Variants in KCTD21 observed in about 807,000 individuals in gnomAD.
KCTD21 encodes BTB/POZ domain-containing protein KCTD21.
A neutral mutation model predicts 13.2 loss-of-function variants in KCTD21; 9 were observed. The ratio of observed to expected loss-of-function variants is 0.68; its 90% confidence interval spans 0.41 to 1.19. The LOEUF is 1.19. Ranked by LOEUF, KCTD21 falls within the 50% of genes most tolerant of loss-of-function variation. The pLI, the probability that KCTD21 is intolerant of heterozygous loss-of-function variation, is 0.01. For missense variants in KCTD21, 303 were observed against 336.5 expected (o/e 0.90, Z 0.78); for synonymous variants, 142 against 137.4 (o/e 1.03, Z -0.23).
chr11:78,177,058 G>C (rs1862473475), intron 1 of KCTD21: 1 of 152,264 alleles, frequency 6.6e-6, no homozygotes, highest in Admixed American at 6.6e-5. Context: ...TTACCGTCCA[G>C]ATGGAGAAAC....
At chr11:78,182,669 C>T (rs141160922) in intron 1 of KCTD21, among the ~76,000 whole-genome samples, 30 of 152,222 alleles carry the variant, frequency 2.0e-4, no homozygotes, top group African/African-American at 6.5e-4. Flanking sequence ...ACCCAAAGAG[C>T]GTGAATCCCT....
chr11:78,186,935 T>A lies in KCTD21; in HGVS notation c.-30+1638A>T, dbSNP rs73505297. On this transcript the variant is annotated intron_variant, in intron 1 of 1. Coordinates refer to ENST00000340067, the MANE Select transcript of KCTD21 (RefSeq NM_001029859.3). ...TCTATATCCACAGAAGCACGTAGAA[T>A]AGGGGAAGAGGAAGAAATTTCTCTC... The A allele has an allele frequency of 9.9e-3, 9,714 of 985,412 alleles. 568 individuals carry two copies. The African/African-American group carries it at 0.14, about 14-fold the overall frequency. 61.0% of individuals were successfully genotyped at this position (985,412 alleles called of 1,614,324 possible).
At chr11:78,186,717 T>C in intron 1 of KCTD21, 5 of 985,530 alleles carry the variant, frequency 5.1e-6, no homozygotes, top group Non-Finnish European at 6.0e-6. Flanking sequence ...CTTCGACTTC[T>C]GCAATTTGGC....
chr11:78,174,384 G>A lies in KCTD21; in HGVS notation c.171C>T (p.Arg57=). Residue 57 remains arginine, a synonymous_variant, in exon 2 of 2, where the codon CGC becomes CGT. Transcript: ENST00000340067. ...CFIDRDGKVF[R]YILNFLRTSH... Reference sequence around the variant, plus strand: ...AGGTCCGCAGGAAGTTGAGGATATAGCGGAACACTTTGCCGTCACGGTCAA... The same window carrying A: ...AGGTCCGCAGGAAGTTGAGGATATAACGGAACACTTTGCCGTCACGGTCAA... 2 of 1,614,134 alleles carry A rather than the reference G, an allele frequency of 1.2e-6. No individual in the cohort carries two copies. Among genetic ancestry groups the A allele is most frequent in the South Asian group, 2.2e-5 (2 of 91,068 alleles).
In KCTD21 at chr11:78,188,556, G is replaced by A. The variant is rs1224523085; in HGVS notation, c.-30+17C>T. ...GGTAGTCCCCGAGCCCCGCGACCCC[G>A]GCCGTGCCGCACCCACCTCCTGCCC... On this transcript the variant is annotated intron_variant, in intron 1 of 1. Coordinates refer to ENST00000340067, the MANE Select transcript of KCTD21 (RefSeq NM_001029859.3). 7 of 985,470 alleles carry A rather than the reference G, an allele frequency of 7.1e-6. No homozygotes were observed. The highest frequency in any genetic ancestry group is 8.4e-6 in the Non-Finnish European group (7 of 830,106). 61.0% of individuals were successfully genotyped at this position (985,470 alleles called of 1,614,324 possible).
At chr11:78,182,853 G>A (rs1227332217) in intron 1 of KCTD21, among the ~76,000 whole-genome samples, 2 of 152,166 alleles carry the variant, frequency 1.3e-5, no homozygotes, top group Non-Finnish European at 2.9e-5. Flanking sequence ...GTAGGCAAGA[G>A]CTCTTTTCTG....
chr11:78,184,348 T>C (rs187146635), intron 1 of KCTD21, among the ~76,000 whole-genome samples: 1 of 152,188 alleles, frequency 6.6e-6, no homozygotes, highest in Admixed American at 6.5e-5. Flanking sequence ...TATTTATTTA[T>C]TTATTTGAGA....
intron 1 of KCTD21, chr11:78,174,784 G>A: frequency 2.2e-6 from 1 of 456,322 alleles, no homozygotes; most frequent in Non-Finnish European, 3.9e-6. Flanking sequence ...GAAAAGGAAA[G>A]GAAAAAGGAA....
Position 78,173,777 on chromosome 11 carries a change from T to A in KCTD21, c.778A>T (p.Arg260Trp). 6.2e-7 allele frequency: 1 copy of A among 1,607,126 alleles called. No homozygotes were observed. Among genetic ancestry groups the A allele is most frequent in the Non-Finnish European group, 8.5e-7 (1 of 1,174,994 alleles). Residue 260 changes from arginine (R) to tryptophan (W), a missense_variant, in exon 2 of 2, where the codon AGG becomes TGG. Transcript: ENST00000340067. ...CCAGTGTTGTTGGGGTCCTTTTACC[T>A]GTACCGTATTAATCGAATAATCTTA... ...NNKIIRLIRY[R>W]
intron 1 of KCTD21, among the ~76,000 whole-genome samples, chr11:78,183,557 A>C (rs1388915169): frequency 6.6e-6 from 1 of 152,060 alleles, no homozygotes; most frequent in Non-Finnish European, 1.5e-5. Context: ...AACAAAAAAC[A>C]AGAGTCCATA....
At position 78,187,749 on chromosome 11, in the gene KCTD21, G is replaced by T. The variant is rs1290403464; in HGVS notation, c.-30+824C>A. 4.1e-6 allele frequency: 4 copies of T among 985,438 alleles called. No homozygotes were observed. The African/African-American group carries it at 7.0e-5, about 17-fold the overall frequency. 61.0% of individuals were successfully genotyped at this position (985,438 alleles called of 1,614,324 possible). Reference sequence around the variant, plus strand: ...TTACAGGCTGTCATTCGGAAGGGTTGGGGGGACTGGTCCTGCCAGACAATT... The same window carrying T: ...TTACAGGCTGTCATTCGGAAGGGTTTGGGGGACTGGTCCTGCCAGACAATT... On this transcript the variant is annotated intron_variant, in intron 1 of 1. Transcript: ENST00000340067.
chr11:78,187,748 T>C, intron 1 of KCTD21: 1 of 985,412 alleles, frequency 1.0e-6, no homozygotes, highest in Non-Finnish European at 1.2e-6. Context: ...TCGGAAGGGT[T>C]GGGGGGACTG....
rs780030980 is a variant in KCTD21, at chr11:78,173,917, G to A, written c.638C>T (p.Ala213Val). 1.3e-5 allele frequency: 21 copies of A among 1,614,154 alleles called. No individual in the cohort carries two copies. The East Asian group carries it at 4.5e-4, about 34-fold the overall frequency. Residue 213 changes from alanine to valine, a missense_variant, in exon 2 of 2, where the codon GCC (alanine) becomes GTC (valine). Transcript: ENST00000340067. ...CTGGAAGCTGTTGATCTGCTTGTTG[G>A]CGGGCACCACCCAGAGCCTCTTGAG... Reference protein sequence around the residue: ...QNLKRLWVVPANKQINSFQVF... With the variant: ...QNLKRLWVVPVNKQINSFQVF...
At chr11:78,187,628 C>A in intron 1 of KCTD21, 2 of 985,410 alleles carry the variant, frequency 2.0e-6, no homozygotes, top group South Asian at 9.4e-5. Context: ...CATTTCAAAC[C>A]GCTCTCTTCC....
In KCTD21 at chr11:78,174,059, A is replaced by G; in HGVS notation, c.496T>C (p.Cys166Arg). 6.2e-7 allele frequency: 1 copy of G among 1,614,164 alleles called. No individual in the cohort carries two copies. Among genetic ancestry groups the G allele is most frequent in the South Asian group, 1.1e-5 (1 of 91,072 alleles). ...ATGGAGGAGAGATTGCCATTGGAGC[A>G]GTAGAAGAGCTTAGAGCCAAGGAGC... Reference protein sequence around the residue: ...LKLLGSKLFYCSNGNLSSITS... With the variant: ...LKLLGSKLFYRSNGNLSSITS... The change falls in exon 2 of 2, where the codon TGC becomes CGC. Residue 166 changes from cysteine to arginine, a missense_variant. Transcript: ENST00000340067.
chr11:78,176,643 G>A (rs184600881), intron 1 of KCTD21, among the ~76,000 whole-genome samples: 8 of 152,320 alleles, frequency 5.3e-5, no homozygotes, highest in Admixed American at 3.9e-4. Flanking sequence ...TAAAGGCACA[G>A]TGACAAGACA....
chr11:78,173,942 G>A lies in KCTD21; in HGVS notation c.613C>T (p.Leu205Phe). The change falls in exon 2 of 2, where the codon CTC becomes TTC. Residue 205 changes from leucine to phenylalanine, a missense_variant. Coordinates refer to ENST00000340067, the MANE Select transcript of KCTD21 (RefSeq NM_001029859.3). Reference sequence around the variant, plus strand: ...GCGGGCACCACCCAGAGCCTCTTGAGGTTCTGCTTGGTGTACTCCTCCTCT... The same window carrying A: ...GCGGGCACCACCCAGAGCCTCTTGAAGTTCTGCTTGGTGTACTCCTCCTCT... ...LPEEEYTKQN[L>F]KRLWVVPANK... 1.2e-6 allele frequency: 2 copies of A among 1,614,136 alleles called. No homozygotes were observed. The highest frequency in any genetic ancestry group is 1.7e-6 in the Non-Finnish European group (2 of 1,180,030).
intron 1 of KCTD21, 142 bp downstream of exon 1, chr11:78,188,431 A>C: frequency 1.0e-6 from 1 of 983,660 alleles, no homozygotes; most frequent in Non-Finnish European, 1.2e-6. Flanking sequence ...CCCCCGCACC[A>C]CAGGCGATGC....
At chr11:78,181,233 T>C (rs1428842281) in intron 1 of KCTD21, among the ~76,000 whole-genome samples, 2 of 152,260 alleles carry the variant, frequency 1.3e-5, no homozygotes, top group African/African-American at 2.4e-5. Context: ...TGAATGTTTA[T>C]GGCAGCTTAT....
Sources: gnomAD v4.1 joint callset for allele counts (sites outside exome capture counted in the v4.1 genomes callset) on GRCh38, gnomAD v4.1.1 for gene constraint, MANE v1.5 for transcripts, NCBI Gene and HGNC (gene_info 2026-07-23, HGNC 2026-07-21) for gene names.